Variants in MARCHF1 observed in about 807,000 individuals in gnomAD.
MARCHF1 encodes the protein E3 ubiquitin-protein ligase MARCHF1.
MARCHF1 carries 40 observed loss-of-function variants against 54.2 expected under a neutral mutation model. The ratio of observed to expected loss-of-function variants is 0.74; its 90% CI spans 0.57 to 0.96. The LOEUF (loss-of-function observed/expected upper bound fraction) is 0.96, where lower values mean the gene tolerates loss of function less well. Ranked by LOEUF, MARCHF1 falls within the 40% of genes least tolerant of loss-of-function variation. The pLI is 0.00. For missense variants in MARCHF1, 586 were observed against 656.5 expected, an observed-to-expected ratio of 0.89 and a Z score of 1.17; for synonymous variants, 236 against 236.3, an observed-to-expected ratio of 1.00 and a Z score of 0.01.
At chr4:163,670,185 G>A (rs992820797) in intron 5 of MARCHF1, among the ~76,000 whole-genome samples, 13 of 151,754 alleles carry the variant, frequency 8.6e-5, no homozygotes, top group Non-Finnish European at 1.6e-4. Flanking sequence ...ATAAAATTAG[G>A]GAAAATCAGA....
Position 163,528,910 on chromosome 4 carries a change from G to A in MARCHF1, c.1476C>T (p.Ile492=), listed in dbSNP as rs150114603. 7 of 1,613,366 alleles carry A rather than the reference G, an allele frequency of 4.3e-6. No homozygotes were observed. Among genetic ancestry groups the A allele is most frequent in the Non-Finnish European group, 5.9e-6 (7 of 1,179,594 alleles). The change falls in exon 10 of 10, where the codon ATC becomes ATT. Residue 492 remains isoleucine, a synonymous_variant. Coordinates refer to ENST00000514618, the MANE Select transcript of MARCHF1 (RefSeq NM_001394959.1). ...CAGTGTCTGGGCAATTTTGTACAAAGATCACACGGTTGTAGGCCTTCAGCC... is the reference window on the plus strand; with the variant it reads ...CAGTGTCTGGGCAATTTTGTACAAAAATCACACGGTTGTAGGCCTTCAGCC... ...WRRLKAYNRV[I]FVQNCPDTAK... is the part of the protein sequence containing the mutation.
At chr4:163,741,355 T>C (rs1171277021) in intron 4 of MARCHF1, among the ~76,000 whole-genome samples, 1 of 151,466 alleles carries the variant, frequency 6.6e-6, no homozygotes, top group Non-Finnish European at 1.5e-5. Context: ...GAGGCCGAGG[T>C]GGGTGGATTA....
At chr4:164,303,620 T>C (rs1322604973) in intron 1 of MARCHF1, among the ~76,000 whole-genome samples, 1 of 152,192 alleles carries the variant, frequency 6.6e-6, no homozygotes, top group Non-Finnish European at 1.5e-5. Flanking sequence ...GAAATTATAC[T>C]CATGCCATTA....
At chr4:164,205,329 T>C (rs937617884) in intron 1 of MARCHF1, among the ~76,000 whole-genome samples, 1 of 152,190 alleles carries the variant, frequency 6.6e-6, no homozygotes, top group African/African-American at 2.4e-5. Flanking sequence ...TAAAACATAA[T>C]AGTATAGGCA....
At chr4:164,238,325 A>G (rs1369336150) in intron 1 of MARCHF1, among the ~76,000 whole-genome samples, 1 of 152,076 alleles carries the variant, frequency 6.6e-6, no homozygotes, top group Non-Finnish European at 1.5e-5. Context: ...GAGAAAAAAC[A>G]ATAGTAAATC....
chr4:163,837,654 A>G, intron 4 of MARCHF1, among the ~76,000 whole-genome samples: 1 of 152,218 alleles, frequency 6.6e-6, no homozygotes, highest in East Asian at 1.9e-4. Flanking sequence ...CAACTAATAC[A>G]TAGCTTCAAA....
At chr4:164,092,331 G>A (rs1408576799) in intron 2 of MARCHF1, among the ~76,000 whole-genome samples, 1 of 152,094 alleles carries the variant, frequency 6.6e-6, no homozygotes. Context: ...ACTCAGGTAA[G>A]GCCATATTCA....
intron 4 of MARCHF1, among the ~76,000 whole-genome samples, chr4:163,850,047 G>A (rs570291525): frequency 2.0e-5 from 3 of 152,266 alleles, no homozygotes; most frequent in Admixed American, 6.5e-5. Context: ...GGCAACTAGA[G>A]GTCGGGAGGA....
At chr4:164,247,492 G>A (rs1490097358) in intron 1 of MARCHF1, among the ~76,000 whole-genome samples, 1 of 151,544 alleles carries the variant, frequency 6.6e-6, no homozygotes, top group African/African-American at 2.4e-5. Flanking sequence ...AGCATTGGGA[G>A]ATATACCTAA....
At chr4:163,629,220 T>C (rs1212478049) in intron 5 of MARCHF1, among the ~76,000 whole-genome samples, 1 of 151,906 alleles carries the variant, frequency 6.6e-6, no homozygotes, top group African/African-American at 2.4e-5. Context: ...TATAGACCAA[T>C]GGAACAGAAC....
At chr4:164,012,853 T>A (rs764448527) in intron 2 of MARCHF1, among the ~76,000 whole-genome samples, 6 of 152,034 alleles carry the variant, frequency 3.9e-5, no homozygotes, top group African/African-American at 1.2e-4. Flanking sequence ...GCGAAACAGT[T>A]GCCGTGACCA....
chr4:163,606,866 C>T (rs1463211666), intron 7 of MARCHF1, among the ~76,000 whole-genome samples: 1 of 152,032 alleles, frequency 6.6e-6, no homozygotes, highest in Admixed American at 6.6e-5. Context: ...ATCCTGGTGA[C>T]AGTGATTGAC....
At chr4:164,115,337 CTACTT>C (rs1392940896) in intron 1 of MARCHF1, among the ~76,000 whole-genome samples, 2 of 151,998 alleles carry the variant, frequency 1.3e-5, no homozygotes, top group Non-Finnish European at 2.9e-5. Context: ...AAACCAGTAA[CTACTT>C]TTGTTGAAGA....
chr4:164,257,595 T>C (rs565939432), intron 1 of MARCHF1, among the ~76,000 whole-genome samples: 18 of 151,728 alleles, frequency 1.2e-4, no homozygotes, highest in Non-Finnish European at 2.2e-4. Context: ...ATTTGAAAAA[T>C]GTAAAATATA....
At chr4:164,322,267 G>A (rs866202584) in intron 1 of MARCHF1, among the ~76,000 whole-genome samples, 8 of 151,832 alleles carry the variant, frequency 5.3e-5, no homozygotes, top group Middle Eastern at 3.2e-3. Flanking sequence ...AATACAAAAC[G>A]AACAAGCAAA....
chr4:163,883,125 C>T (rs867887242), intron 3 of MARCHF1, among the ~76,000 whole-genome samples: 2 of 152,064 alleles, frequency 1.3e-5, no homozygotes, highest in South Asian at 2.1e-4. Flanking sequence ...ACGGGAGTTG[C>T]TCCCTTTGTT....
intron 1 of MARCHF1, among the ~76,000 whole-genome samples, chr4:164,163,470 T>G (rs1181673924): frequency 6.6e-6 from 1 of 151,900 alleles, no homozygotes; most frequent in Non-Finnish European, 1.5e-5. Context: ...GGTACCAGGG[T>G]GTATAACTTT....
At chr4:163,799,305 C>A (rs936936037) in intron 4 of MARCHF1, among the ~76,000 whole-genome samples, 3 of 151,960 alleles carry the variant, frequency 2.0e-5, no homozygotes, top group African/African-American at 4.8e-5. Flanking sequence ...TAATTTCTTA[C>A]AATTCTGGCA....
chr4:163,823,950 T>A (rs1383785008), intron 4 of MARCHF1, among the ~76,000 whole-genome samples: 1 of 151,904 alleles, frequency 6.6e-6, no homozygotes, highest in Non-Finnish European at 1.5e-5. Context: ...ATTACCTTTT[T>A]ATAAAAATTT....
Sources: gnomAD v4.1 joint callset for allele counts (sites outside exome capture counted in the v4.1 genomes callset) on GRCh38, gnomAD v4.1.1 for gene constraint, MANE v1.5 for transcripts, NCBI Gene and HGNC (gene_info 2026-07-23, HGNC 2026-07-21) for gene names.